The following MYO15B variants were observed in gnomAD, a reference collection of about 807,000 sequenced individuals.
MYO15B encodes myosin XVB.
In MYO15B, 207 loss-of-function variants were observed where a neutral mutation model predicts 119.3. The ratio of observed to expected loss-of-function variants is 1.73; its 90% CI spans 1.55 to 1.95. The LOEUF (loss-of-function observed/expected upper bound fraction) is 1.95, where lower values mean the gene tolerates loss of function less well. Among genes scored for constraint, MYO15B ranks in the 30% most tolerant of loss-of-function variants. MYO15B has a pLI of 0.00. For synonymous variants in MYO15B, 966 were observed against 498.9 expected, an observed-to-expected ratio of 1.94 and a Z score of -12.48; for missense variants, 2,264 against 1,203.1, an observed-to-expected ratio of 1.88 and a Z score of -13.04.
rs772023346 is a variant in MYO15B at position 75,619,860 on chromosome 17, A to G, written c.7302-19A>G. On this transcript the variant is annotated intron_variant, in intron 46 of 63. Coordinates refer to ENST00000645453, the Ensembl canonical transcript of MYO15B. ...GCAGGTGGCAAGGTGACCTCAGTTC[A>G]TGCCCGATCCCTGCGCAGCTTTGCG... The G allele has an allele frequency of 8.5e-6, 6 of 702,030 alleles. No individual in the cohort carries two copies. Among genetic ancestry groups the G allele is most frequent in the Non-Finnish European group, 1.3e-5 (5 of 384,432 alleles). 43.5% of individuals were successfully genotyped at this position (702,030 alleles called of 1,614,324 possible).
At chr17:75,604,713 G>A (rs567129901) in intron 19 of MYO15B, among the ~76,000 whole-genome samples, 105 of 151,906 alleles carry the variant, frequency 6.9e-4, no homozygotes, top group Admixed American at 3.1e-3. Context: ...CCAGCGCAGA[G>A]ACCCTCCCTG....
intron 41 of MYO15B, chr17:75,617,542 C>T (rs2058448430): frequency 8.7e-6 from 5 of 574,114 alleles, no homozygotes; most frequent in Admixed American, 3.3e-5. Flanking sequence ...GGGTGTTGTC[C>T]CTGACACATA....
rs1278261778 is a variant in MYO15B at position 75,591,072 on chromosome 17, G to T, written c.2360+56G>T. The T allele has an allele frequency of 4.4e-6, 3 of 684,906 alleles. No individual in the cohort carries two copies. In the East Asian group the frequency reaches 8.1e-5, roughly 18 times the overall value. The allele number at this position is 684,906 out of a possible 1,614,324, so 42.4% of individuals were successfully genotyped here. ...TCACCTCCCAGGCAGCCCAGTCCCT[G>T]CATGTCCCCTTGACTGAGGTCCCGG... On this transcript the variant is annotated intron_variant, in intron 3 of 63. Transcript: ENST00000645453.
exon 41 of MYO15B, chr17:75,617,089 T>C: frequency 1.5e-6 from 1 of 679,344 alleles, no homozygotes; most frequent in Non-Finnish European, 2.7e-6. Flanking sequence ...CCCCAGATGC[T>C]GTCCCCCAGC....
At chr17:75,605,695 A>T in intron 20 of MYO15B, 74 bp downstream of exon 20, 1 of 685,484 alleles carries the variant, frequency 1.5e-6, no homozygotes, top group Non-Finnish European at 2.7e-6. Context: ...GCCCAAAGGG[A>T]CAAACCCAGG....
At chr17:75,626,816 C>A in exon 64 of MYO15B, 2 of 468,792 alleles carry the variant, frequency 4.3e-6, no homozygotes, top group Non-Finnish European at 7.8e-6. Flanking sequence ...ATGGGAGAAA[C>A]AGCTGCTGAG....
exon 28 of MYO15B, chr17:75,613,458 G>A (rs1356127463): frequency 1.5e-6 from 1 of 682,660 alleles, no homozygotes; most frequent in Non-Finnish European, 2.6e-6. Context: ...CGCTGGATGT[G>A]TTCACCTTCA....
chr17:75,594,006 C>A (rs1162586494), intron 9 of MYO15B, among the ~76,000 whole-genome samples: 1 of 150,736 alleles, frequency 6.6e-6, no homozygotes, highest in East Asian at 1.9e-4. Flanking sequence ...GGAAGAATTA[C>A]CTGATCCTGG....
At chr17:75,614,033 G>A in intron 29 of MYO15B, 166 bp from the exon 30 acceptor site, 1 of 605,172 alleles carries the variant, frequency 1.7e-6, no homozygotes, top group Non-Finnish European at 3.0e-6. Context: ...AGGGCCGTGA[G>A]GTGAGGAGGG....
At chr17:75,615,538 C>G in exon 35 of MYO15B, 3 of 701,084 alleles carry the variant, frequency 4.3e-6, no homozygotes, top group Middle Eastern at 2.5e-4. Context: ...GCTTCCCAGC[C>G]TGGATGCAGG....
At chr17:75,611,468 C>CAAAAA (rs11410750) in intron 23 of MYO15B, 133 bp from the exon 24 acceptor site, 4 of 472,658 alleles carry the variant, frequency 8.5e-6, no homozygotes, top group Admixed American at 3.9e-5. Context: ...GACCCTGCCT[C>CAAAAA]AAAAAAAAAA....
intron 37 of MYO15B, 52 bp from the exon 38 acceptor site, chr17:75,616,260 A>G (rs2058364958): frequency 1.7e-6 from 1 of 590,586 alleles, no homozygotes; most frequent in Admixed American, 3.1e-5. Flanking sequence ...CCCATCCAGG[A>G]GCCCAGCTGG....
chr17:75,599,258 C>T (rs1464307633), intron 14 of MYO15B, among the ~76,000 whole-genome samples: 1 of 151,068 alleles, frequency 6.6e-6, no homozygotes, highest in African/African-American at 2.4e-5. Flanking sequence ...TCATTCCCAA[C>T]TGAGTTACTT....
At chr17:75,609,657 CCTCT>C (rs1045948529) in intron 21 of MYO15B, among the ~76,000 whole-genome samples, 3 of 150,736 alleles carry the variant, frequency 2.0e-5, no homozygotes, top group Non-Finnish European at 4.4e-5. Flanking sequence ...CCTCCCTCCT[CCTCT>C]CTCTCTTTCT....
intron 53 of MYO15B, among the ~76,000 whole-genome samples, chr17:75,622,733 T>C (rs1308224909): frequency 1.3e-5 from 2 of 152,146 alleles, no homozygotes; most frequent in Non-Finnish European, 2.9e-5. Flanking sequence ...AAGCAGAAGA[T>C]TGAGCCAGCA....
In MYO15B at chr17:75,603,324, C is replaced by G. The variant is rs774955344; in HGVS notation, c.4016+12C>G. ...GCCTTCCTGGCCAGGTGGGGCCCAG[C>G]ACCTCGGGGCAGGACTGACAAGGAG... On this transcript the variant is annotated intron_variant, in intron 19 of 63. Coordinates refer to ENST00000645453, the Ensembl canonical transcript of MYO15B. The G allele has an allele frequency of 3.8e-5, 27 of 702,678 alleles. No homozygotes were observed. Among genetic ancestry groups the G allele is most frequent in the Non-Finnish European group, 5.7e-5 (22 of 384,898 alleles). The allele number at this position is 702,678 out of a possible 1,614,324, so 43.5% of individuals were successfully genotyped here. A position where few individuals can be genotyped will look rare whatever the true frequency, so the allele number is the denominator to read the frequency against.
chr17:75,625,207 C>A, exon 60 of MYO15B: 1 of 702,524 alleles, frequency 1.4e-6, no homozygotes, highest in Admixed American at 2.0e-5. Context: ...CCTGCAGCAC[C>A]TCAGCAAGGC....
At chr17:75,621,478 T>C (rs534590238) in intron 51 of MYO15B, 23 bp from the exon 52 acceptor site, 1 of 701,408 alleles carries the variant, frequency 1.4e-6, no homozygotes, top group East Asian at 2.7e-5. Flanking sequence ...CCCAGACCCA[T>C]GGCCTCCTCT....
intron 21 of MYO15B, among the ~76,000 whole-genome samples, chr17:75,607,832 T>C (rs939872785): frequency 3.9e-5 from 6 of 152,162 alleles, no homozygotes; most frequent in Non-Finnish European, 7.3e-5. Flanking sequence ...TATCATATGG[T>C]AATTCTATGT....
Sources: allele counts gnomAD v4.1 joint callset (sites outside exome capture counted in the v4.1 genomes callset), GRCh38; gene constraint gnomAD v4.1.1; transcripts MANE v1.5; gene names NCBI Gene and HGNC (gene_info 2026-07-23, HGNC 2026-07-21).